Variants in BCL9 observed in about 807,000 individuals in gnomAD.
The protein encoded by BCL9 is BCL9 transcription coactivator, also known as B-cell CLL/lymphoma 9 protein.
BCL9 carries 25 observed loss-of-function variants against 88.5 expected under a neutral mutation model. The ratio of observed to expected loss-of-function variants is 0.28; its 90% CI spans 0.21 to 0.39. The LOEUF (loss-of-function observed/expected upper bound fraction) is 0.39. Among genes scored for constraint, BCL9 ranks in the 10% least tolerant of loss-of-function variants. The pLI, the probability that BCL9 is intolerant of heterozygous loss-of-function variation, is 1.00. For synonymous variants in BCL9, 711 were observed against 673.3 expected, an observed-to-expected ratio of 1.06 and a Z score of -0.87; for missense variants, 1,817 against 1,877.8, an observed-to-expected ratio of 0.97 and a Z score of 0.60.
At chr1:147,546,591 G>A (rs1027424) in intron 1 of BCL9, among the ~76,000 whole-genome samples, 23,639 of 152,058 alleles carry the variant, frequency 0.16, 2,721 homozygotes, top group African/African-American at 0.33. Flanking sequence ...CTTCCTTCCA[G>A]CTCTGCTATT....
rs1244957186 is a variant in BCL9 at position 147,625,933 on chromosome 1, TC to T, written c.*979del. On this transcript the variant is annotated 3_prime_UTR_variant, in exon 10 of 10. Transcript: ENST00000234739. Reference sequence around the variant, plus strand: ...CCTTGGGATGCTCTCTGGTCTTTTTTCCCCCTAAGTCTTTCTCTTTCCCATC... The same window carrying T: ...CCTTGGGATGCTCTCTGGTCTTTTTTCCCCTAAGTCTTTCTCTTTCCCATC... 4.3e-6 allele frequency: 1 copy of T among 232,804 alleles called. No individual in the cohort carries two copies. Among genetic ancestry groups the T allele is most frequent in the Non-Finnish European group, 8.5e-6 (1 of 117,566 alleles). The allele number at this position is 232,804 out of a possible 1,614,324, so 14.4% of individuals were successfully genotyped here.
Position 147,613,156 on chromosome 1 carries a change from T to G in BCL9, c.327T>G (p.Asp109Glu), listed in dbSNP as rs1658099646. ...GAAGTATTTCCGCCGACTCCTTTGATCAGAGAGATCCTGGGACTCCAAACG... is the reference window on the plus strand; with the variant it reads ...GAAGTATTTCCGCCGACTCCTTTGAGCAGAGAGATCCTGGGACTCCAAACG... ...RERSISADSF[D>E]QRDPGTPNDD... The change falls in exon 5 of 10, where the codon GAT becomes GAG. Residue 109 changes from aspartate (D) to glutamate (E), a missense_variant. Asp to Glu is a conservative substitution (Grantham distance 45). Around this residue, in one of 2 missense-constraint regions of BCL9, gnomAD observed 1,228 missense variants for 1,191.6 expected, o/e 1.03. Transcript: ENST00000234739. 2 of 1,614,044 alleles carry G rather than the reference T, an allele frequency of 1.2e-6. No individual in the cohort carries two copies. The highest frequency in any genetic ancestry group is 2.2e-5 in the South Asian group (2 of 91,082).
intron 1 of BCL9, among the ~76,000 whole-genome samples, chr1:147,555,668 T>TCC (rs1330930588): frequency 6.6e-6 from 1 of 152,238 alleles, no homozygotes; most frequent in Non-Finnish European, 1.5e-5. Flanking sequence ...GTCTCGTTTC[T>TCC]TACATAAGTC....
At chr1:147,601,562 A>C (rs627219) in intron 1 of BCL9, among the ~76,000 whole-genome samples, 8,835 of 151,262 alleles carry the variant, frequency 0.058, 279 homozygotes, top group Middle Eastern at 0.082. Context: ...GGAGGGGGCA[A>C]AAGGATGTTG....
Position 147,618,893 on chromosome 1 carries a change from G to C in BCL9, c.738G>C (p.Gln246His), listed in dbSNP as rs369846270. 3.5e-5 allele frequency: 57 copies of C among 1,612,580 alleles called. No homozygotes were observed. The highest frequency in any genetic ancestry group is 3.3e-4 in the Middle Eastern group (2 of 6,070). The change falls in exon 8 of 10, where the codon CAG (glutamine) becomes CAC (histidine). Residue 246 changes from glutamine (Q) to histidine (H), a missense_variant. Around this residue, in one of 2 missense-constraint regions of BCL9, gnomAD observed 1,228 missense variants for 1,191.6 expected, o/e 1.03. Transcript: ENST00000234739. ...CCCCAGCTCCGGCCAACCAGGACCA[G>C]AATTCTTCCCAGAATACCAGACTGC... ...QQPPAPANQD[Q>H]NSSQNTRLQP...
intron 1 of BCL9, among the ~76,000 whole-genome samples, chr1:147,585,962 C>A (rs1354076649): frequency 6.6e-6 from 1 of 152,052 alleles, no homozygotes. Context: ...TAAATTCAGC[C>A]CTTGCTCTGC....
Position 147,624,994 on chromosome 1 carries a change from A to C in BCL9, c.*35A>C. The C allele has an allele frequency of 6.3e-7, 1 of 1,578,276 alleles. No individual in the cohort carries two copies. Among genetic ancestry groups the C allele is most frequent in the Non-Finnish European group, 8.6e-7 (1 of 1,156,188 alleles). On this transcript the variant is annotated 3_prime_UTR_variant, in exon 10 of 10. Coordinates refer to ENST00000234739, the MANE Select transcript of BCL9 (RefSeq NM_004326.4). This position sits in a 1 kb window ranked among gnomAD's most constrained non-coding sequence, Gnocchi z 4.4. ...ATGGGATGTGCCGATCCTTGTCAAGATGAGATTCCAGGTCCTGAGAGCTGC... is the reference window on the plus strand; with the variant it reads ...ATGGGATGTGCCGATCCTTGTCAAGCTGAGATTCCAGGTCCTGAGAGCTGC...
intron 1 of BCL9, among the ~76,000 whole-genome samples, chr1:147,561,948 G>T (rs937885498): frequency 2.6e-5 from 4 of 152,200 alleles, no homozygotes; most frequent in African/African-American, 9.7e-5. Context: ...AAAGAGTCAT[G>T]TTCTGAGAAG....
In BCL9 at chr1:147,620,610, C is replaced by A; in HGVS notation, c.2455C>A (p.Pro819Thr). The change falls in exon 8 of 10, where the codon CCA becomes ACA. Residue 819 changes from proline (P) to threonine (T), a missense_variant. By Grantham distance (38) the Pro-to-Thr change is conservative. Transcript: ENST00000234739. ...RTNSRLSHMPPLPLNPSSNPT... is the reference protein window; with the variant it reads ...RTNSRLSHMPTLPLNPSSNPT... ...TAACAGCCGGCTCAGTCATATGCCA[C>A]CACTACCTCTCAACCCTTCCAGTAA... 4 of 1,614,192 alleles carry A rather than the reference C, an allele frequency of 2.5e-6. No individual in the cohort carries two copies. The highest frequency in any genetic ancestry group is 3.4e-6 in the Non-Finnish European group (4 of 1,180,042).
rs148832056 is a variant in BCL9, at chr1:147,595,955, A to T, written c.-477-8822A>T. On this transcript the variant is annotated intron_variant, in intron 1 of 9. Coordinates refer to ENST00000234739, the MANE Select transcript of BCL9 (RefSeq NM_004326.4). ...ACAAAACTTGAATTTTAGAAGGTAG[A>T]GTAATGAGAGTAGGAGGCACAACCA... is the stretch of plus-strand genomic sequence containing the variant. Among the ~76,000 whole-genome samples, 8 of 152,356 alleles carry T rather than the reference A, an allele frequency of 5.3e-5. No homozygotes were observed. In the East Asian group the frequency reaches 1.5e-3, roughly 29 times the overall value.
intron 7 of BCL9, among the ~76,000 whole-genome samples, chr1:147,618,282 G>T (rs1451450346): frequency 6.6e-6 from 1 of 152,132 alleles, no homozygotes. Flanking sequence ...CAGAGGAGAC[G>T]TTGAAATGGA....
At chr1:147,559,165 C>CTT (rs1485209680) in intron 1 of BCL9, among the ~76,000 whole-genome samples, 82 of 145,446 alleles carry the variant, frequency 5.6e-4, no homozygotes, top group African/African-American at 2.0e-3. Flanking sequence ...ATCTCTCCTA[C>CTT]TTTTTTTTCT....
chr1:147,625,990 TCTC>T lies in BCL9; in HGVS notation c.*1034_*1036del, dbSNP rs148032277. ...CTTCCCTGCCCACCTTGTTTTCTGT[TCTC>T]CTTTTATTAGGAATTCCCAAGTGAA... On this transcript the variant is annotated 3_prime_UTR_variant, in exon 10 of 10. Transcript: ENST00000234739. 2.6e-3 allele frequency: 609 copies of T among 231,054 alleles called. 4 individuals are homozygous for T. Among genetic ancestry groups the T allele is most frequent in the African/African-American group, 0.012 (564 of 45,292 alleles). The allele number at this position is 231,054 out of a possible 1,614,324, so 14.3% of individuals were successfully genotyped here.
At chr1:147,622,854 C>T (rs910004889) in intron 9 of BCL9, among the ~76,000 whole-genome samples, 1 of 152,060 alleles carries the variant, frequency 6.6e-6, no homozygotes, top group African/African-American at 2.4e-5. Flanking sequence ...TAGTTTCTAA[C>T]AGGCTGATTG....
At chr1:147,622,201 C>T (rs587719868) in intron 8 of BCL9, 70 bp from the exon 9 acceptor site, 1 of 1,579,468 alleles carries the variant, frequency 6.3e-7, no homozygotes, top group South Asian at 1.1e-5. Flanking sequence ...AGTTCATAAT[C>T]ATAGGGCCCA....
At chr1:147,578,431 A>G (rs1266109642) in intron 1 of BCL9, among the ~76,000 whole-genome samples, 3 of 152,218 alleles carry the variant, frequency 2.0e-5, no homozygotes, top group Admixed American at 6.5e-5. Flanking sequence ...CCTTGATGCT[A>G]TGTGTATAAG....
At chr1:147,604,632 T>G (rs1460767960) in intron 1 of BCL9, 145 bp from the exon 2 acceptor site, 1 of 147,472 alleles carries the variant, frequency 6.8e-6, no homozygotes, top group Non-Finnish European at 1.5e-5. Context: ...GGTTTTGCCT[T>G]CCTTCTCCCT....
At chr1:147,587,020 C>CTTTT (rs1191478261) in intron 1 of BCL9, among the ~76,000 whole-genome samples, 1 of 23,332 alleles carries the variant, frequency 4.3e-5, no homozygotes. Context: ...CGTTTTCTCT[C>CTTTT]TCTTTCTCTC....
At chr1:147,611,151 T>G (rs1056893871) in intron 3 of BCL9, among the ~76,000 whole-genome samples, 11 of 152,296 alleles carry the variant, frequency 7.2e-5, no homozygotes, top group Admixed American at 2.0e-4. Context: ...AGTGCTGTTG[T>G]TTGCCATCAG....
Sources: allele counts gnomAD v4.1 joint callset (sites outside exome capture counted in the v4.1 genomes callset), GRCh38; gene constraint gnomAD v4.1.1; regional missense constraint gnomAD v4.1.1; non-coding constraint Gnocchi (gnomAD v3.1); transcripts MANE v1.5; gene names NCBI Gene and HGNC (gene_info 2026-07-23, HGNC 2026-07-21).